LINGO1: variants seen among roughly 807,000 people sequenced by gnomAD.
The protein encoded by LINGO1 is leucine-rich repeat and immunoglobulin-like domain-containing nogo receptor-interacting protein 1.
In LINGO1, 11 loss-of-function variants were observed where a neutral mutation model predicts 37.3. The ratio of observed to expected loss-of-function variants is 0.29; its 90% CI spans 0.19 to 0.49. The LOEUF is 0.49. LINGO1 is among the 20% of genes least tolerant of loss of function. LINGO1 has a pLI of 0.99. For synonymous variants in LINGO1, 387 were observed against 403.0 expected (o/e 0.96, Z 0.48); for missense variants, 585 against 878.2 (o/e 0.67, Z 4.22).
intron 3 of LINGO1, among the ~76,000 whole-genome samples, chr15:77,661,195 AC>A (rs1194612537): frequency 6.6e-6 from 1 of 152,144 alleles, no homozygotes; most frequent in Non-Finnish European, 1.5e-5. Flanking sequence ...CCCCAGACCC[AC>A]CCCACACCAA....
chr15:77,644,993 C>G (rs1224674203), intron 3 of LINGO1, among the ~76,000 whole-genome samples: 1 of 152,202 alleles, frequency 6.6e-6, no homozygotes, highest in East Asian at 1.9e-4. Flanking sequence ...GGCGTTTACA[C>G]TCAGACACAG....
At chr15:77,638,553 C>A (rs2074439971), upstream of LINGO1, among the ~76,000 whole-genome samples, 1 of 152,234 alleles carries the variant, frequency 6.6e-6, no homozygotes, top group African/African-American at 2.4e-5. Flanking sequence ...TGTGTGCAAA[C>A]AGGCAGCACT....
chr15:77,754,645 G>T (rs1203117082), intron 1 of LINGO1, among the ~76,000 whole-genome samples: 1 of 152,220 alleles, frequency 6.6e-6, no homozygotes. Flanking sequence ...TGTGCTGGGG[G>T]TTCTGGGGGT....
chr15:77,815,282 C>T (rs1006889656), intron 1 of LINGO1, among the ~76,000 whole-genome samples: 2 of 152,122 alleles, frequency 1.3e-5, no homozygotes, highest in Non-Finnish European at 2.9e-5. Context: ...GGCCCTGAGG[C>T]CCCGGCCACC....
Position 77,798,023 on chromosome 15 carries a change from G to C in LINGO1, c.-457-1970C>G, listed in dbSNP as rs539034130. Among the ~76,000 whole-genome samples the C allele has an allele frequency of 5.3e-5, 8 of 152,244 alleles. No individual in the cohort carries two copies. The South Asian group carries it at 1.5e-3, about 28-fold the overall frequency. On this transcript the variant is annotated intron_variant, in intron 1 of 5. Transcript: ENST00000562933. The stretch of plus-strand genomic sequence containing the variant: ...GGGCCCACTTTGGCTTTCCAATCCT[G>C]ACAACAGAGCCACAAAGCAGCCCAG...
At chr15:77,799,695 A>G (rs1157421255) in intron 1 of LINGO1, among the ~76,000 whole-genome samples, 3 of 152,180 alleles carry the variant, frequency 2.0e-5, no homozygotes, top group African/African-American at 7.2e-5. Flanking sequence ...TGAGCAGAGA[A>G]CCAGTGAGCC....
At chr15:77,785,379 C>T (rs2076761389) in intron 1 of LINGO1, among the ~76,000 whole-genome samples, 1 of 152,194 alleles carries the variant, frequency 6.6e-6, no homozygotes, top group Non-Finnish European at 1.5e-5. Flanking sequence ...TCTTCCCAGG[C>T]CTTACACAGG....
rs1249346822 is a variant in LINGO1 at position 77,745,680 on chromosome 15, A to G, written c.-256-10627T>C. 3.9e-5 allele frequency among the ~76,000 whole-genome samples: 6 copies of G among 152,286 alleles called. No homozygotes were observed. In the South Asian group the frequency reaches 1.2e-3, roughly 32 times the overall value. ...CGAGACCCTGTGCCAATCACCTCATACACAATTGCTCATCTCTTCCTCACA... is the reference window on the plus strand; with the variant it reads ...CGAGACCCTGTGCCAATCACCTCATGCACAATTGCTCATCTCTTCCTCACA... On this transcript the variant is annotated intron_variant, in intron 1 of 3. Coordinates refer to the LINGO1 transcript ENST00000561686.
At chr15:77,789,203 A>G (rs183229559), upstream of LINGO1, among the ~76,000 whole-genome samples, 1 of 152,352 alleles carries the variant, frequency 6.6e-6, no homozygotes, top group East Asian at 1.9e-4. Flanking sequence ...ATACCTCAGT[A>G]TGTGATCTTA....
chr15:77,777,883 A>G (rs1814430703), intron 1 of LINGO1, among the ~76,000 whole-genome samples: 2 of 147,128 alleles, frequency 1.4e-5, no homozygotes, highest in Non-Finnish European at 3.0e-5. Context: ...TGATTGTGCC[A>G]CTGTATTTCC....
intron 1 of LINGO1, among the ~76,000 whole-genome samples, chr15:77,739,642 G>A (rs8028004): frequency 0.12 from 18,783 of 152,156 alleles, 1,638 homozygotes; most frequent in African/African-American, 0.25. Context: ...CACTGTGACG[G>A]CTCCCTCTCC....
At position 77,614,228 on chromosome 15, in the gene LINGO1, G is replaced by A; in HGVS notation, c.1679C>T (p.Ala560Val). ...GAAAGAGATGAAGCCCATGGTGGTG[G>A]CGATGATGAGGGTCTTGATGTCGAA... is the stretch of plus-strand genomic sequence containing the variant. ...FPFDIKTLIIATTMGFISFLG... is the reference protein window; with the variant it reads ...FPFDIKTLIIVTTMGFISFLG... The change falls in exon 2 of 2, where the codon GCC (alanine) becomes GTC (valine). Residue 560 changes from alanine to valine, a missense_variant. Physicochemically the swap from Ala to Val is moderately conservative, Grantham distance 64. Around this residue, in one of 4 missense-constraint regions of LINGO1, gnomAD observed 484 missense variants for 735.0 expected, o/e 0.66. Transcript: ENST00000355300. 1 of 1,614,040 alleles carries A rather than the reference G, an allele frequency of 6.2e-7. No individual in the cohort carries two copies. The highest frequency in any genetic ancestry group is 8.5e-7 in the Non-Finnish European group (1 of 1,179,896).
chr15:77,768,293 C>T (rs1039490028), intron 1 of LINGO1, among the ~76,000 whole-genome samples: 1 of 152,220 alleles, frequency 6.6e-6, no homozygotes, highest in Non-Finnish European at 1.5e-5. Flanking sequence ...ACAGGAGGCC[C>T]TCAGCTTCCT....
chr15:77,753,806 C>T (rs577812587), intron 1 of LINGO1, among the ~76,000 whole-genome samples: 13 of 152,354 alleles, frequency 8.5e-5, no homozygotes, highest in Middle Eastern at 3.4e-3. Context: ...TATGGCAGAG[C>T]CTTACAGGCG....
chr15:77,694,680 G>C (rs2075659914), intron 1 of LINGO1, among the ~76,000 whole-genome samples: 1 of 152,198 alleles, frequency 6.6e-6, no homozygotes, highest in African/African-American at 2.4e-5. Flanking sequence ...TGGTGGTTTT[G>C]CCACAGCCCC....
rs1567577612 is a variant in LINGO1 at position 77,776,496 on chromosome 15, G to GGCAGGAAA, written c.-257+10372_-257+10373insTTTCCTGC. Among the ~76,000 whole-genome samples, 380 of 85,432 alleles carry GGCAGGAAA rather than the reference G, an allele frequency of 4.4e-3. 3 individuals are homozygous for GGCAGGAAA. The highest frequency in any genetic ancestry group is 8.8e-3 in the Middle Eastern group (2 of 228). The allele number at this position is 85,432 out of a possible 152,430, so 56.0% of individuals were successfully genotyped here. A position where few individuals can be genotyped will look rare whatever the true frequency, so the allele number is the denominator to read the frequency against. On this transcript the variant is annotated intron_variant, in intron 1 of 3. Coordinates refer to the LINGO1 transcript ENST00000561686. ...AGGCAGGAAGGCAGGAAAGCAGGAA[G>GGCAGGAAA]GCAGGAAGGCAGGAAGGCAGGAAGG...
At chr15:77,616,890 G>A (rs1364000508) in intron 1 of LINGO1, among the ~76,000 whole-genome samples, 2 of 152,148 alleles carry the variant, frequency 1.3e-5, no homozygotes, top group Non-Finnish European at 2.9e-5. Flanking sequence ...AGTGAAGTGT[G>A]CTCCCCTTAA....
At chr15:77,735,370 C>A (rs1011765480) in intron 1 of LINGO1, among the ~76,000 whole-genome samples, 2 of 152,240 alleles carry the variant, frequency 1.3e-5, no homozygotes, top group African/African-American at 2.4e-5. Flanking sequence ...CCTATCCAAA[C>A]CTGTGTGCAG....
intron 2 of LINGO1, among the ~76,000 whole-genome samples, chr15:77,679,312 A>G (rs1442892855): frequency 6.6e-6 from 1 of 152,166 alleles, no homozygotes; most frequent in Non-Finnish European, 1.5e-5. Context: ...TAATTATTTA[A>G]ATGATTTACC....
Sources: gnomAD v4.1 joint callset for allele counts (sites outside exome capture counted in the v4.1 genomes callset) on GRCh38, gnomAD v4.1.1 for gene constraint, gnomAD v4.1.1 regional missense constraint, MANE v1.5 for transcripts, NCBI Gene and HGNC (gene_info 2026-07-23, HGNC 2026-07-21) for gene names.